The following CRYM variants were observed in gnomAD, a reference collection of about 807,000 sequenced individuals.
CRYM encodes the protein crystallin mu.
Under a neutral mutation model 32.9 loss-of-function variants are expected in CRYM, and 18 were observed. The ratio of observed to expected loss-of-function variants is 0.55; its 90% CI spans 0.38 to 0.81. The LOEUF (loss-of-function observed/expected upper bound fraction) is 0.81. CRYM is among the 30% of genes least tolerant of loss of function. The pLI is 0.00. For missense variants in CRYM, 337 were observed against 393.5 expected (o/e 0.86, Z 1.21); for synonymous variants, 153 against 152.4 (o/e 1.00, Z -0.03).
At position 21,290,462 on chromosome 16, in the gene CRYM, T is replaced by G. The variant is rs1209540204; in HGVS notation, c.-192-11502A>C. On this transcript the variant is annotated intron_variant, in intron 1 of 9. Coordinates refer to the CRYM transcript ENST00000219599. ...ATCTGAACATCTGAAGGAACAACTC[T>G]GGACACACCATCTTTAAGAATTGTA... Among the ~76,000 whole-genome samples, 7 of 152,234 alleles carry G rather than the reference T, an allele frequency of 4.6e-5. No homozygotes were observed. The South Asian group carries it at 1.2e-3, about 27-fold the overall frequency.
intron 1 of CRYM, among the ~76,000 whole-genome samples, chr16:21,302,506 G>T (rs774336716): frequency 3.3e-5 from 5 of 152,200 alleles, no homozygotes; most frequent in Non-Finnish European, 7.3e-5. Flanking sequence ...TGTTGTCCTA[G>T]GGAAGAGAGA....
At chr16:21,291,574 G>C (rs1441327404) in intron 1 of CRYM, among the ~76,000 whole-genome samples, 1 of 152,038 alleles carries the variant, frequency 6.6e-6, no homozygotes, top group Non-Finnish European at 1.5e-5. Flanking sequence ...TTCTCTGTGG[G>C]AAAGAATCTC....
At chr16:21,291,372 G>A (rs1186860080) in intron 1 of CRYM, among the ~76,000 whole-genome samples, 3 of 152,102 alleles carry the variant, frequency 2.0e-5, no homozygotes, top group Non-Finnish European at 4.4e-5. Flanking sequence ...TCTCATCAGA[G>A]CTACTGGTAG....
At chr16:21,290,044 CTCTGTAAAATGGACCAATCAGTGT>C (rs1960588843) in intron 1 of CRYM, among the ~76,000 whole-genome samples, 1 of 148,252 alleles carries the variant, frequency 6.7e-6, no homozygotes, top group Admixed American at 6.6e-5. Flanking sequence ...CCAATCAGCA[CTCTGTAAAATGGACCAATCAGTGT>C]TCTGTAAAAT....
intron 1 of CRYM, among the ~76,000 whole-genome samples, chr16:21,292,900 A>G (rs544840316): frequency 1.3e-5 from 2 of 152,176 alleles, no homozygotes; most frequent in Non-Finnish European, 1.5e-5. Context: ...TAAAACTACG[A>G]TAATTAAGAC....
intron 1 of CRYM, among the ~76,000 whole-genome samples, chr16:21,297,909 C>T (rs1333127101): frequency 4.6e-5 from 7 of 152,206 alleles, no homozygotes; most frequent in Non-Finnish European, 1.0e-4. Flanking sequence ...AACTGTATCA[C>T]AGAGGTTAAA....
chr16:21,284,384 A>C (rs1389425498), intron 1 of CRYM, among the ~76,000 whole-genome samples: 2 of 152,116 alleles, frequency 1.3e-5, no homozygotes, highest in Non-Finnish European at 2.9e-5. Context: ...CCTGACTTTT[A>C]GTATATTCAC....
intron 2 of CRYM, among the ~76,000 whole-genome samples, chr16:21,276,264 G>C (rs226042): frequency 0.53 from 79,863 of 152,108 alleles, 22,505 homozygotes; most frequent in African/African-American, 0.74. Flanking sequence ...AGTGAATCAC[G>C]AAGTCACTGA....
Position 21,278,094 on chromosome 16 carries a change from G to C in CRYM, c.158C>G (p.Thr53Ser), listed in dbSNP as rs2093390848. 6.5e-7 allele frequency: 1 copy of C among 1,546,062 alleles called. No homozygotes were observed. The highest frequency in any genetic ancestry group is 2.0e-5 in the Admixed American group (1 of 50,954). The stretch of plus-strand genomic sequence containing the variant: ...CCTCCTCACTCACCCCCTGTGCTTG[G>C]TCACCGGCACCACGGTGCGCACGGG... The part of the protein sequence containing the change: ...MQPVRTVVPV[T>S]KHRGYLGVMP... The change falls in exon 1 of 8, where the codon ACC (threonine) becomes AGC (serine). Residue 53 changes from threonine (T) to serine (S), a missense_variant. By Grantham distance (58) the Thr-to-Ser change is moderately conservative. Coordinates refer to ENST00000572914, the MANE Select transcript of CRYM (RefSeq NM_001376256.1).
intron 3 of CRYM, among the ~76,000 whole-genome samples, chr16:21,273,374 C>G (rs972149760): frequency 6.6e-6 from 1 of 152,180 alleles, no homozygotes; most frequent in Non-Finnish European, 1.5e-5. Flanking sequence ...GGAAATAAAG[C>G]TGTGAAGTTT....
intron 5 of CRYM, among the ~76,000 whole-genome samples, chr16:21,262,637 A>ACAAC: frequency 6.6e-6 from 1 of 152,086 alleles, no homozygotes; most frequent in African/African-American, 2.4e-5. Flanking sequence ...AAACAAACAA[A>ACAAC]CAAAAAAAAC....
intron 3 of CRYM, among the ~76,000 whole-genome samples, chr16:21,274,122 G>C (rs1428237856): frequency 6.6e-6 from 1 of 152,172 alleles, no homozygotes; most frequent in African/African-American, 2.4e-5. Context: ...CCAAGACCTT[G>C]TACTTCCACA....
At chr16:21,294,026 G>A (rs1245374632) in intron 1 of CRYM, among the ~76,000 whole-genome samples, 3 of 152,158 alleles carry the variant, frequency 2.0e-5, no homozygotes, top group Admixed American at 2.0e-4. Flanking sequence ...CAGCAAAAAG[G>A]TAGAATACGC....
At chr16:21,288,772 T>A (rs1960538490) in intron 1 of CRYM, among the ~76,000 whole-genome samples, 1 of 152,184 alleles carries the variant, frequency 6.6e-6, no homozygotes, top group African/African-American at 2.4e-5. Flanking sequence ...TTCTTATAAG[T>A]TTTGGTATAC....
At chr16:21,290,653 AC>A (rs1960623193) in intron 1 of CRYM, among the ~76,000 whole-genome samples, 2 of 152,194 alleles carry the variant, frequency 1.3e-5, no homozygotes, top group Non-Finnish European at 2.9e-5. Flanking sequence ...TTGAAGTCTT[AC>A]AGTGACAGTT....
upstream of CRYM, among the ~76,000 whole-genome samples, chr16:21,280,728 GT>G (rs919446087): frequency 7.2e-5 from 11 of 152,192 alleles, no homozygotes; most frequent in African/African-American, 2.7e-4. Context: ...CAGAGTTTTT[GT>G]TTTCTCCAGC....
At chr16:21,278,522 T>G, upstream of CRYM, 1 of 559,782 alleles carries the variant, frequency 1.8e-6, no homozygotes. Flanking sequence ...TATTGTTTGG[T>G]CCACTTTCTC....
At chr16:21,278,555 C>A (rs1388101198), upstream of CRYM, 24 of 499,558 alleles carry the variant, frequency 4.8e-5, 1 homozygote, top group South Asian at 5.0e-4. Flanking sequence ...CAGCTGTAGC[C>A]ACATTCCTTG....
At chr16:21,258,921 A>C in intron 7 of CRYM, 76 bp from the exon 8 acceptor site, 1 of 1,204,992 alleles carries the variant, frequency 8.3e-7, no homozygotes, top group African/African-American at 1.5e-5. Flanking sequence ...CATGGCTGGA[A>C]GTTTCCTGAT....
Sources: allele counts gnomAD v4.1 joint callset (sites outside exome capture counted in the v4.1 genomes callset), GRCh38; gene constraint gnomAD v4.1.1; transcripts MANE v1.5; gene names NCBI Gene and HGNC (gene_info 2026-07-23, HGNC 2026-07-21).